The following SNX29 variants were observed in gnomAD, a reference collection of about 807,000 sequenced individuals.
SNX29 encodes the protein sorting nexin 29.
Under a neutral mutation model 102.1 loss-of-function variants are expected in SNX29, and 78 were observed. That is an observed-to-expected ratio of 0.76 (90% CI 0.64 to 0.92). The LOEUF is 0.92. Among genes scored for constraint, SNX29 ranks in the 40% least tolerant of loss-of-function variants. SNX29 has a pLI of 0.00. For missense variants in SNX29, 1,280 were observed against 1,061.7 expected (o/e 1.21, Z -2.86); for synonymous variants, 580 against 414.5 (o/e 1.40, Z -4.85).
At chr16:12,295,107 T>C (rs1310369336) in intron 15 of SNX29, among the ~76,000 whole-genome samples, 2 of 152,186 alleles carry the variant, frequency 1.3e-5, no homozygotes, top group African/African-American at 2.4e-5. Context: ...AGTGATTCAA[T>C]TATCCCCCCA....
rs146148995 is a variant in SNX29 at position 12,570,179 on chromosome 16, C to T, written c.*1550C>T. ...CAGCGCCCCCCCACCCCAGAGAAACCGAGTCAGCCTACATGACTTCCAAGG... is the reference window on the plus strand; with the variant it reads ...CAGCGCCCCCCCACCCCAGAGAAACTGAGTCAGCCTACATGACTTCCAAGG... On this transcript the variant is annotated 3_prime_UTR_variant, in exon 21 of 21. Coordinates refer to ENST00000566228, the MANE Select transcript of SNX29 (RefSeq NM_032167.5). 1.2e-5 allele frequency: 13 copies of T among 1,065,132 alleles called. No homozygotes were observed. Among genetic ancestry groups the T allele is most frequent in the Admixed American group, 5.3e-5 (1 of 18,752 alleles). 66.0% of individuals were successfully genotyped at this position (1,065,132 alleles called of 1,614,324 possible). A position where few individuals can be genotyped will look rare whatever the true frequency, so the allele number is the denominator to read the frequency against.
chr16:12,048,981 C>T (rs1346541526), intron 7 of SNX29, among the ~76,000 whole-genome samples: 1 of 152,194 alleles, frequency 6.6e-6, no homozygotes, highest in East Asian at 1.9e-4. Context: ...AGATTACCAG[C>T]AGGTAGCCTG....
At chr16:12,550,111 C>G (rs531800999) in intron 20 of SNX29, among the ~76,000 whole-genome samples, 1 of 152,162 alleles carries the variant, frequency 6.6e-6, no homozygotes, top group Non-Finnish European at 1.5e-5. Context: ...AATACTGAGG[C>G]TGATGTACAC....
intron 1 of SNX29, among the ~76,000 whole-genome samples, chr16:11,988,192 GC>G (rs1219794674): frequency 6.6e-6 from 1 of 151,760 alleles, no homozygotes; most frequent in African/African-American, 2.4e-5. Context: ...TACTCAGGAG[GC>G]TGAGGCAGGA....
chr16:12,015,963 C>G (rs2056835135), intron 3 of SNX29, among the ~76,000 whole-genome samples: 1 of 151,886 alleles, frequency 6.6e-6, no homozygotes, highest in African/African-American at 2.4e-5. Context: ...TTCCCAGGTT[C>G]AAGCAATTCT....
At chr16:12,305,320 C>T (rs1004600716) in intron 15 of SNX29, among the ~76,000 whole-genome samples, 3 of 152,218 alleles carry the variant, frequency 2.0e-5, no homozygotes, top group East Asian at 1.9e-4. Flanking sequence ...CCCCCGGCCA[C>T]GGAGTGGTAT....
chr16:12,092,048 A>T (rs2052574301), intron 11 of SNX29, among the ~76,000 whole-genome samples: 1 of 152,160 alleles, frequency 6.6e-6, no homozygotes, highest in Non-Finnish European at 1.5e-5. Flanking sequence ...CTGGCCGTCC[A>T]TCTAGAAGAG....
chr16:12,024,212 C>A (rs55995758), intron 3 of SNX29, among the ~76,000 whole-genome samples: 3 of 151,174 alleles, frequency 2.0e-5, no homozygotes, highest in Non-Finnish European at 4.4e-5. Context: ...GATCTCGGCT[C>A]ACGGCAACCT....
At chr16:12,042,180 G>A (rs529147264) in intron 4 of SNX29, among the ~76,000 whole-genome samples, 15 of 152,132 alleles carry the variant, frequency 9.9e-5, no homozygotes, top group African/African-American at 2.9e-4. Context: ...ACAGGTGTGC[G>A]CCACCATACC....
At position 12,048,528 on chromosome 16, in the gene SNX29, G is replaced by C. The variant is rs776231465; in HGVS notation, c.656G>C (p.Arg219Thr). The part of the protein sequence containing the change: ...ESTQGVSSLF[R>T]EITASSAVSI... ...ACGCAAGGAGTGAGCAGCCTGTTCAGGGAGATCACAGCCTCCTCTGCCGTC... is the reference window on the plus strand; with the variant it reads ...ACGCAAGGAGTGAGCAGCCTGTTCACGGAGATCACAGCCTCCTCTGCCGTC... The change falls in exon 7 of 21, where the codon AGG becomes ACG. Residue 219 changes from arginine to threonine, a missense_variant. By Grantham distance (71) the Arg-to-Thr change is moderately conservative. Coordinates refer to ENST00000566228, the MANE Select transcript of SNX29 (RefSeq NM_032167.5). 6.2e-7 allele frequency: 1 copy of C among 1,613,920 alleles called. No individual in the cohort carries two copies. The highest frequency in any genetic ancestry group is 1.3e-5 in the African/African-American group (1 of 75,028).
intron 20 of SNX29, among the ~76,000 whole-genome samples, chr16:12,543,113 T>C (rs1341436364): frequency 6.6e-6 from 1 of 152,206 alleles, no homozygotes; most frequent in Non-Finnish European, 1.5e-5. Context: ...TCCTGGCAGC[T>C]GCGTATCTTA....
chr16:12,407,333 T>C (rs2084207257), intron 18 of SNX29, among the ~76,000 whole-genome samples: 1 of 151,980 alleles, frequency 6.6e-6, no homozygotes, highest in South Asian at 2.1e-4. Context: ...AGATTGTTTT[T>C]TTTTTTTCTG....
intron 11 of SNX29, among the ~76,000 whole-genome samples, chr16:12,082,725 G>A (rs1265902752): frequency 1.3e-5 from 2 of 152,130 alleles, no homozygotes; most frequent in East Asian, 3.9e-4. Context: ...ATTGTGTGTG[G>A]GTGGCTGGGA....
At chr16:12,160,369 A>C (rs1350330176) in intron 13 of SNX29, among the ~76,000 whole-genome samples, 1 of 152,232 alleles carries the variant, frequency 6.6e-6, no homozygotes, top group Non-Finnish European at 1.5e-5. Flanking sequence ...TTGGTTACAT[A>C]GCAGAGAGGC....
intron 6 of SNX29, among the ~76,000 whole-genome samples, chr16:12,046,860 C>A (rs11859670): frequency 2.9e-4 from 44 of 152,098 alleles, no homozygotes; most frequent in Admixed American, 2.4e-3. Flanking sequence ...CTCAAGTGAT[C>A]CACCCGCCTT....
At chr16:12,089,245 T>C (rs1367363239) in intron 11 of SNX29, among the ~76,000 whole-genome samples, 2 of 151,966 alleles carry the variant, frequency 1.3e-5, no homozygotes, top group East Asian at 3.9e-4. Context: ...GTGGGAAGAT[T>C]GTTCGAGCCT....
intron 15 of SNX29, among the ~76,000 whole-genome samples, chr16:12,326,812 G>C (rs1284459804): frequency 6.6e-6 from 1 of 152,226 alleles, no homozygotes; most frequent in Non-Finnish European, 1.5e-5. Context: ...GGGCAGTGTG[G>C]TAGGGCATGG....
intron 19 of SNX29, among the ~76,000 whole-genome samples, chr16:12,488,955 C>T (rs988953958): frequency 2.6e-5 from 4 of 152,088 alleles, no homozygotes; most frequent in Non-Finnish European, 5.9e-5. Context: ...AACTTGACTC[C>T]GTTGGGCATT....
intron 8 of SNX29, among the ~76,000 whole-genome samples, chr16:12,055,207 T>C (rs1049040035): frequency 5.3e-5 from 8 of 151,612 alleles, no homozygotes; most frequent in African/African-American, 1.9e-4. Context: ...TCCATTTCTA[T>C]CTCTGTTTCT....
Sources: gnomAD v4.1 joint callset for allele counts (sites outside exome capture counted in the v4.1 genomes callset) on GRCh38, gnomAD v4.1.1 for gene constraint, MANE v1.5 for transcripts, NCBI Gene and HGNC (gene_info 2026-07-23, HGNC 2026-07-21) for gene names.